Variants in NUBPL observed in about 807,000 individuals in gnomAD.
NUBPL encodes iron-sulfur cluster transfer protein NUBPL.
A neutral mutation model predicts 45.7 loss-of-function variants in NUBPL; 31 were observed. The observed-to-expected ratio is 0.68, with a 90% CI of 0.51 to 0.92. The LOEUF (loss-of-function observed/expected upper bound fraction) is 0.92. Ranked by LOEUF, NUBPL falls within the 40% of genes least tolerant of loss-of-function variation. NUBPL has a pLI of 0.00. For synonymous variants in NUBPL, 144 were observed against 140.9 expected (o/e 1.02, Z -0.15); for missense variants, 401 against 398.7 (o/e 1.01, Z -0.05).
At chr14:31,805,398 A>G (rs2039666219) in intron 7 of NUBPL, among the ~76,000 whole-genome samples, 1 of 152,240 alleles carries the variant, frequency 6.6e-6, no homozygotes, top group Non-Finnish European at 1.5e-5. Flanking sequence ...CATTCAACCT[A>G]GCAGTCCCAT....
intron 6 of NUBPL, among the ~76,000 whole-genome samples, chr14:31,690,733 A>G (rs902999376): frequency 6.6e-6 from 1 of 152,188 alleles, no homozygotes; most frequent in African/African-American, 2.4e-5. Flanking sequence ...CATGAAAGAG[A>G]TTGTGGATAT....
At chr14:31,793,839 TTA>T (rs2039430459) in intron 7 of NUBPL, among the ~76,000 whole-genome samples, 1 of 124,800 alleles carries the variant, frequency 8.0e-6, no homozygotes, top group Non-Finnish European at 1.5e-5. Context: ...TTTTTTTTTT[TTA>T]TTTTTTTTTT....
intron 10 of NUBPL, among the ~76,000 whole-genome samples, chr14:31,857,806 G>A (rs887587626): frequency 2.0e-5 from 3 of 150,094 alleles, no homozygotes; most frequent in Non-Finnish European, 4.4e-5. Context: ...CAGCATTTTT[G>A]TCAAAGCCAC....
intron 6 of NUBPL, among the ~76,000 whole-genome samples, chr14:31,674,764 A>G (rs893435978): frequency 1.3e-5 from 2 of 152,174 alleles, no homozygotes; most frequent in Admixed American, 1.3e-4. Flanking sequence ...AAAAATATTC[A>G]GGGAATTTGG....
intron 8 of NUBPL, among the ~76,000 whole-genome samples, chr14:31,827,745 G>T (rs2040128980): frequency 6.6e-6 from 1 of 152,156 alleles, no homozygotes; most frequent in Admixed American, 6.5e-5. Context: ...ACAAGTATTT[G>T]TTTTGGTATG....
intron 2 of NUBPL, among the ~76,000 whole-genome samples, chr14:31,562,546 C>T (rs1211450211): frequency 6.6e-6 from 1 of 150,524 alleles, no homozygotes; most frequent in Non-Finnish European, 1.5e-5. Context: ...TTAGTGTTTA[C>T]TAGTGTTCAA....
chr14:31,725,900 G>T (rs1378470087), intron 6 of NUBPL, among the ~76,000 whole-genome samples: 1 of 151,686 alleles, frequency 6.6e-6, no homozygotes, highest in Non-Finnish European at 1.5e-5. Context: ...AGTAGTGACG[G>T]GGTTTCATCA....
At chr14:31,830,388 G>A (rs1225078471) in intron 8 of NUBPL, among the ~76,000 whole-genome samples, 3 of 152,108 alleles carry the variant, frequency 2.0e-5, no homozygotes, top group Non-Finnish European at 2.9e-5. Context: ...TAAATTCTGA[G>A]ATGCATGAAA....
At chr14:31,731,784 T>C (rs1414958535) in intron 6 of NUBPL, among the ~76,000 whole-genome samples, 1 of 152,132 alleles carries the variant, frequency 6.6e-6, no homozygotes, top group East Asian at 1.9e-4. Flanking sequence ...TTTTCTAGCC[T>C]TCCTCAGAAG....
chr14:31,670,162 T>A (rs2036538788), intron 4 of NUBPL, among the ~76,000 whole-genome samples: 2 of 152,212 alleles, frequency 1.3e-5, no homozygotes, highest in Admixed American at 1.3e-4. Flanking sequence ...GATATTTTAA[T>A]AATAGCCATT....
In NUBPL at chr14:31,697,528, G is replaced by A. The variant is rs180954932; in HGVS notation, c.513+23954G>A. 2.0e-5 allele frequency among the ~76,000 whole-genome samples: 3 copies of A among 152,188 alleles called. No homozygotes were observed. The South Asian group carries it at 6.2e-4, about 32-fold the overall frequency. On this transcript the variant is annotated intron_variant, in intron 6 of 10. Transcript: ENST00000281081. ...TTGTTCAATGCAGACTTAAAATTTT[G>A]TGTTAATCAATATTTATTCTGCAAT...
At chr14:31,780,167 A>G (rs1479549661) in intron 6 of NUBPL, among the ~76,000 whole-genome samples, 1 of 151,678 alleles carries the variant, frequency 6.6e-6, no homozygotes, top group Non-Finnish European at 1.5e-5. Context: ...GGTTTAAGCA[A>G]TTCTCCTGCC....
chr14:31,783,515 C>CTTTTTTTTT (rs71430995), intron 6 of NUBPL, among the ~76,000 whole-genome samples: 1 of 129,218 alleles, frequency 7.7e-6, no homozygotes. Flanking sequence ...AATAGCAGTT[C>CTTTTTTTTT]TTTTTTTTTT....
At chr14:31,650,287 C>CTTTTTTT (rs35127795) in intron 4 of NUBPL, among the ~76,000 whole-genome samples, 1 of 116,598 alleles carries the variant, frequency 8.6e-6, no homozygotes. Flanking sequence ...GGCTTTCTTT[C>CTTTTTTT]TTTTTTTTTT....
At chr14:31,657,084 A>T (rs924395549) in intron 4 of NUBPL, among the ~76,000 whole-genome samples, 4 of 152,210 alleles carry the variant, frequency 2.6e-5, no homozygotes, top group Non-Finnish European at 4.4e-5. Context: ...TAATTGCCTA[A>T]ATATTAAATG....
intron 8 of NUBPL, chr14:31,844,076 A>C (rs953534525): frequency 6.6e-6 from 1 of 152,232 alleles, no homozygotes; most frequent in Non-Finnish European, 1.5e-5. Flanking sequence ...TGTGTAGTCT[A>C]TAGAGAACAT....
intron 6 of NUBPL, among the ~76,000 whole-genome samples, chr14:31,764,095 A>G (rs1159499267): frequency 6.6e-6 from 1 of 152,084 alleles, no homozygotes; most frequent in Admixed American, 6.5e-5. Context: ...TCATGATCCA[A>G]TTATTTTTTC....
intron 6 of NUBPL, among the ~76,000 whole-genome samples, chr14:31,685,142 A>G (rs1028370088): frequency 1.3e-5 from 2 of 152,214 alleles, no homozygotes; most frequent in Non-Finnish European, 2.9e-5. Context: ...AATCCTGGGC[A>G]TGTGACCCAG....
chr14:31,794,946 A>G (rs2039454709), intron 7 of NUBPL, among the ~76,000 whole-genome samples: 1 of 117,088 alleles, frequency 8.5e-6, no homozygotes, highest in South Asian at 3.5e-4. Flanking sequence ...AGCTTTCTAC[A>G]TATGGCTAGC....
Sources: gnomAD v4.1 joint callset for allele counts (sites outside exome capture counted in the v4.1 genomes callset) on GRCh38, gnomAD v4.1.1 for gene constraint, MANE v1.5 for transcripts, NCBI Gene and HGNC (gene_info 2026-07-23, HGNC 2026-07-21) for gene names.